Variants in PKIB observed in about 807,000 individuals in gnomAD.
The protein encoded by PKIB is PKI-beta.
PKIB carries 2 observed loss-of-function variants against 4.5 expected under a neutral mutation model. That is an observed-to-expected ratio of 0.44 (90% CI 0.18 to 1.39). The LOEUF is 1.39. Among genes scored for constraint, PKIB ranks in the 40% most tolerant of loss-of-function variants. The probability of loss-of-function intolerance (pLI) is 0.27; values close to 1 mark genes in which losing one functional copy is unlikely to be tolerated. For missense variants in PKIB, 94 were observed against 92.6 expected (o/e 1.02, Z -0.06); for synonymous variants, 38 against 36.0 (o/e 1.06, Z -0.20).
chr6:122,618,680 G>A (rs1177297345), intron 1 of PKIB, among the ~76,000 whole-genome samples: 2 of 151,942 alleles, frequency 1.3e-5, no homozygotes, highest in Admixed American at 6.6e-5. Flanking sequence ...ATAAATTACA[G>A]TTTTTTAATG....
chr6:122,658,838 G>C (rs1263259493), intron 2 of PKIB, among the ~76,000 whole-genome samples: 1 of 147,226 alleles, frequency 6.8e-6, no homozygotes, highest in Non-Finnish European at 1.5e-5. Flanking sequence ...TTATTCATTT[G>C]TTAAGCATTC....
intron 2 of PKIB, among the ~76,000 whole-genome samples, chr6:122,543,932 A>G (rs1772400398): frequency 1.3e-5 from 2 of 152,076 alleles, no homozygotes; most frequent in African/African-American, 2.4e-5. Context: ...CCAAACTGAT[A>G]TGAAATATCA....
At chr6:122,522,718 T>C (rs1212973410) in intron 2 of PKIB, among the ~76,000 whole-genome samples, 2 of 152,176 alleles carry the variant, frequency 1.3e-5, no homozygotes, top group Non-Finnish European at 1.5e-5. Flanking sequence ...ACCCTGCTTC[T>C]GCTCACCCTC....
At chr6:122,493,130 G>T (rs1366535793) in intron 2 of PKIB, 1 of 152,120 alleles carries the variant, frequency 6.6e-6, no homozygotes, top group African/African-American at 2.4e-5. Context: ...AAATCCCTTT[G>T]AACTGTCAAA....
At chr6:122,575,978 C>T (rs1394594557) in intron 2 of PKIB, among the ~76,000 whole-genome samples, 2 of 152,236 alleles carry the variant, frequency 1.3e-5, no homozygotes, top group South Asian at 2.1e-4. Context: ...GTGCAAGAAG[C>T]CAGACACACA....
chr6:122,503,664 G>T (rs1776312853), intron 2 of PKIB, among the ~76,000 whole-genome samples: 1 of 152,052 alleles, frequency 6.6e-6, no homozygotes, highest in Non-Finnish European at 1.5e-5. Context: ...TTTATTTTGG[G>T]GTATTACAAG....
chr6:122,615,948 A>G (rs886509243), intron 1 of PKIB, among the ~76,000 whole-genome samples: 1 of 152,174 alleles, frequency 6.6e-6, no homozygotes, highest in African/African-American at 2.4e-5. Flanking sequence ...GTGTTAAGTC[A>G]CTCAGTTTGT....
rs752044111 is a variant in PKIB at position 122,684,420 on chromosome 6, A to AATCTACCTTTCTCTTTCAC, written c.-9+9300_-9+9318dup. Among the ~76,000 whole-genome samples the AATCTACCTTTCTCTTTCAC allele has an allele frequency of 5.5e-4, 83 of 152,232 alleles. 1 individual carries two copies. Among genetic ancestry groups the AATCTACCTTTCTCTTTCAC allele is most frequent in the South Asian group, 2.1e-3 (10 of 4,824 alleles). ...TAAGCACAATAAAGACCTAGCCCTCAATCTACCTTTCTCTTTCACATCTAC... is the reference window on the plus strand; with the variant it reads ...TAAGCACAATAAAGACCTAGCCCTCAATCTACCTTTCTCTTTCACATCTACCTTTCTCTTTCACATCTAC... On this transcript the variant is annotated intron_variant, in intron 3 of 4. Transcript: ENST00000368452.
chr6:122,562,141 T>A (rs899965434), intron 2 of PKIB, among the ~76,000 whole-genome samples: 1 of 151,430 alleles, frequency 6.6e-6, no homozygotes, highest in Non-Finnish European at 1.5e-5. Context: ...GTTCTTGTCG[T>A]GGTGGCTTGG....
chr6:122,621,873 A>G (rs777498601), intron 1 of PKIB, among the ~76,000 whole-genome samples: 1 of 152,100 alleles, frequency 6.6e-6, no homozygotes, highest in Non-Finnish European at 1.5e-5. Context: ...TCCATTACAG[A>G]GAAGTAAAGG....
chr6:122,684,465 C>T (rs1019817702), intron 3 of PKIB, among the ~76,000 whole-genome samples: 9 of 152,112 alleles, frequency 5.9e-5, no homozygotes, highest in African/African-American at 1.9e-4. Flanking sequence ...TCACATCTCC[C>T]CCAAACAGAG....
intron 2 of PKIB, among the ~76,000 whole-genome samples, chr6:122,538,723 T>G (rs941769638): frequency 3.3e-5 from 5 of 152,088 alleles, no homozygotes; most frequent in African/African-American, 1.2e-4. Context: ...AAGAAAGTCA[T>G]TGGTAGCTTG....
intron 2 of PKIB, among the ~76,000 whole-genome samples, chr6:122,535,472 T>G (rs570255433): frequency 1.3e-5 from 2 of 152,332 alleles, no homozygotes; most frequent in South Asian, 4.1e-4. Flanking sequence ...ATTACTAAAA[T>G]GACAGCTATT....
chr6:122,511,522 T>C (rs1303073673), intron 2 of PKIB, among the ~76,000 whole-genome samples: 6 of 152,192 alleles, frequency 3.9e-5, no homozygotes, highest in Admixed American at 3.9e-4. Flanking sequence ...CTGGATTCTT[T>C]TGGGTCCCAT....
At chr6:122,570,247 T>TG (rs1443498322) in intron 2 of PKIB, among the ~76,000 whole-genome samples, 2 of 152,202 alleles carry the variant, frequency 1.3e-5, no homozygotes, top group African/African-American at 4.8e-5. Flanking sequence ...CCTGCTGGCC[T>TG]GGCAGGGTAG....
intron 2 of PKIB, among the ~76,000 whole-genome samples, chr6:122,495,740 G>A (rs1332834831): frequency 1.3e-5 from 2 of 152,120 alleles, no homozygotes; most frequent in African/African-American, 2.4e-5. Flanking sequence ...TTTATAAGAA[G>A]CGGAAGTACT....
intron 3 of PKIB, among the ~76,000 whole-genome samples, chr6:122,680,245 G>T (rs897313326): frequency 4.6e-5 from 7 of 152,140 alleles, no homozygotes; most frequent in African/African-American, 1.4e-4. Context: ...TTACGCTTAG[G>T]TTCAAAAAAG....
At chr6:122,620,306 C>T (rs960965126) in intron 1 of PKIB, among the ~76,000 whole-genome samples, 1 of 152,202 alleles carries the variant, frequency 6.6e-6, no homozygotes, top group Non-Finnish European at 1.5e-5. Context: ...AATATCGTGA[C>T]CTCTCACTTA....
intron 2 of PKIB, among the ~76,000 whole-genome samples, chr6:122,508,116 C>G (rs1277521899): frequency 1.3e-5 from 2 of 152,104 alleles, no homozygotes; most frequent in East Asian, 3.9e-4. Context: ...TTGGAAAGAT[C>G]TGCTACAGTA....
Sources: gnomAD v4.1 joint callset for allele counts (sites outside exome capture counted in the v4.1 genomes callset) on GRCh38, gnomAD v4.1.1 for gene constraint, MANE v1.5 for transcripts, NCBI Gene and HGNC (gene_info 2026-07-23, HGNC 2026-07-21) for gene names.